BBS4: variants seen among roughly 807,000 people sequenced by gnomAD.
BBS4 encodes BBSome complex member BBS4.
A neutral mutation model predicts 71.4 loss-of-function variants in BBS4; 58 were observed. That is an observed-to-expected ratio of 0.81 (90% CI 0.66 to 1.01). The LOEUF is 1.01. Ranked by LOEUF, BBS4 falls within the 50% of genes least tolerant of loss-of-function variation. The pLI, the probability that BBS4 is intolerant of heterozygous loss-of-function variation, is 0.00. For missense variants in BBS4, 660 were observed against 607.9 expected, an observed-to-expected ratio of 1.09 and a Z score of -0.90; for synonymous variants, 228 against 216.8, an observed-to-expected ratio of 1.05 and a Z score of -0.46.
intron 6 of BBS4, among the ~76,000 whole-genome samples, chr15:72,718,855 T>C (rs1760441967): frequency 6.6e-6 from 1 of 152,118 alleles, no homozygotes. Context: ...CAGAGGATTT[T>C]GGATATGATA....
chr15:72,689,778 CTTTTTATTTA>C (rs1444951341), intron 1 of BBS4, among the ~76,000 whole-genome samples: 2 of 142,112 alleles, frequency 1.4e-5, no homozygotes, highest in African/African-American at 5.5e-5. Flanking sequence ...GCTTATAAAT[CTTTTTATTTA>C]TTTATTTATT....
chr15:72,697,877 T>C, intron 2 of BBS4: 1 of 426,284 alleles, frequency 2.3e-6, no homozygotes, highest in Non-Finnish European at 4.8e-6. Flanking sequence ...ATCAGGACTT[T>C]TTCAAGAACA....
rs1034311817 is a variant in BBS4, at chr15:72,736,624, A to G, written c.1249-138A>G. On this transcript the variant is annotated intron_variant, in intron 14 of 15. Transcript: ENST00000268057. Reference sequence around the variant, plus strand: ...GGCAATCTGTAATCTCTACTGTTTGATAAGTACTTCCTGCCTCAACTGCTA... The same window carrying G: ...GGCAATCTGTAATCTCTACTGTTTGGTAAGTACTTCCTGCCTCAACTGCTA... The G allele has an allele frequency of 1.7e-5, 14 of 801,258 alleles. No individual in the cohort carries two copies. The African/African-American group carries it at 2.0e-4, about 12-fold the overall frequency. 49.6% of individuals were successfully genotyped at this position (801,258 alleles called of 1,614,324 possible). A position where few individuals can be genotyped will look rare whatever the true frequency, so the allele number is the denominator to read the frequency against.
chr15:72,738,039 C>G lies in BBS4; in HGVS notation c.*452C>G, dbSNP rs1368840407. 2 of 453,860 alleles carry G rather than the reference C, an allele frequency of 4.4e-6. No homozygotes were observed. The highest frequency in any genetic ancestry group is 8.8e-6 in the Non-Finnish European group (2 of 226,800). The allele number at this position is 453,860 out of a possible 1,614,324, so 28.1% of individuals were successfully genotyped here. On this transcript the variant is annotated 3_prime_UTR_variant, in exon 16 of 16. Coordinates refer to ENST00000268057, the MANE Select transcript of BBS4 (RefSeq NM_033028.5). ...CTCAGGTTGTGAGGTTTATTAGTCC[C>G]CAAGGCAAACACAAATATTAGATTA...
At chr15:72,686,407 G>C (rs1198253973) in intron 1 of BBS4, 156 bp downstream of exon 1, 1 of 1,535,130 alleles carries the variant, frequency 6.5e-7, no homozygotes, top group Non-Finnish European at 8.7e-7. Context: ...TACTGTCCCG[G>C]GAACTGGTCG....
chr15:72,692,730 G>C lies in BBS4; in HGVS notation c.25-2447G>C, dbSNP rs184324419. Among the ~76,000 whole-genome samples, 30 of 151,900 alleles carry C rather than the reference G, an allele frequency of 2.0e-4. No homozygotes were observed. The East Asian group carries it at 5.6e-3, about 28-fold the overall frequency. On this transcript the variant is annotated intron_variant, in intron 1 of 15. Coordinates refer to ENST00000268057, the MANE Select transcript of BBS4 (RefSeq NM_033028.5). ...CCACCTCAGCCTTCTGAGTAGCTAGGACTAAGGGCACCTGCCACTATGCCT... is the reference window on the plus strand; with the variant it reads ...CCACCTCAGCCTTCTGAGTAGCTAGCACTAAGGGCACCTGCCACTATGCCT...
intron 2 of BBS4, 67 bp from the exon 3 acceptor site, chr15:72,709,633 T>A: frequency 8.8e-7 from 1 of 1,136,422 alleles, no homozygotes; most frequent in South Asian, 1.2e-5. Flanking sequence ...AGTTTAGACA[T>A]GAGGACAGTG....
At chr15:72,730,874 G>T (rs942053063) in intron 10 of BBS4, among the ~76,000 whole-genome samples, 2 of 152,114 alleles carry the variant, frequency 1.3e-5, no homozygotes, top group Non-Finnish European at 2.9e-5. Flanking sequence ...TTCTACGGTA[G>T]AAAGAAATTT....
chr15:72,726,364 G>C (rs1050006005), intron 8 of BBS4, among the ~76,000 whole-genome samples: 1 of 152,026 alleles, frequency 6.6e-6, no homozygotes, highest in Non-Finnish European at 1.5e-5. Flanking sequence ...TGCTTGCCTT[G>C]GTCTCCCATA....
chr15:72,692,955 A>T (rs1014976661), intron 1 of BBS4, among the ~76,000 whole-genome samples: 17 of 151,876 alleles, frequency 1.1e-4, no homozygotes, highest in Non-Finnish European at 1.8e-4. Context: ...TCTTTTTTTT[A>T]AAAAAACTGA....
rs750258633 is a variant in BBS4 at position 72,716,782 on chromosome 15, CT to C, written c.341del (p.Leu114TrpfsTer28). 8 of 1,604,734 alleles carry C rather than the reference CT, an allele frequency of 5.0e-6. No individual in the cohort carries two copies. Among genetic ancestry groups the C allele is most frequent in the Non-Finnish European group, 6.8e-6 (8 of 1,174,174 alleles). Reference sequence around the variant, plus strand: ...TGGAAAATATATCTTTTACAGATTTCTTTTGGGAAAACATAAAGCTGCCATT... The same window carrying C: ...TGGAAAATATATCTTTTACAGATTTCTTTGGGAAAACATAAAGCTGCCATT... ...NLKQVARSLF[L>X]LGKHKAAIEV... On this transcript the variant is annotated frameshift_variant, in exon 6 of 16. Transcript: ENST00000268057. LOFTEE classifies it high-confidence loss of function.
At chr15:72,697,118 A>C (rs1020575301) in intron 2 of BBS4, among the ~76,000 whole-genome samples, 1 of 152,112 alleles carries the variant, frequency 6.6e-6, no homozygotes, top group Non-Finnish European at 1.5e-5. Context: ...TTTTTAGTAC[A>C]GATGGGGTTT....
chr15:72,725,049 T>TAGAG lies in BBS4; in HGVS notation c.587+395_587+396insGAGA, dbSNP rs1450047592. Among the ~76,000 whole-genome samples the TAGAG allele has an allele frequency of 6.9e-5, 7 of 101,544 alleles. No individual in the cohort carries two copies. In the South Asian group the frequency reaches 1.2e-3, roughly 17 times the overall value. 66.6% of individuals were successfully genotyped at this position (101,544 alleles called of 152,430 possible). A position where few individuals can be genotyped will look rare whatever the true frequency, so the allele number is the denominator to read the frequency against. On this transcript the variant is annotated intron_variant, in intron 8 of 15. Transcript: ENST00000268057. ...GAATAAGCATCTGGCTATATATATATATATATATAGAGAGAGAGAGAGAGA... is the reference window on the plus strand; with the variant it reads ...GAATAAGCATCTGGCTATATATATATAGAGATATATATAGAGAGAGAGAGAGAGA...
intron 2 of BBS4, chr15:72,698,043 C>G (rs939779409): frequency 2.2e-6 from 1 of 455,810 alleles, no homozygotes; most frequent in Non-Finnish European, 4.4e-6. Context: ...TTGAGGTGAG[C>G]GAACTGATTT....
At chr15:72,728,894 C>G (rs1287917689) in intron 9 of BBS4, among the ~76,000 whole-genome samples, 1 of 152,120 alleles carries the variant, frequency 6.6e-6, no homozygotes, top group Non-Finnish European at 1.5e-5. Flanking sequence ...GCCTTTATGT[C>G]TATTTCATTT....
intron 8 of BBS4, among the ~76,000 whole-genome samples, chr15:72,726,239 G>A (rs2065699465): frequency 6.6e-6 from 1 of 151,764 alleles, no homozygotes; most frequent in Non-Finnish European, 1.5e-5. Flanking sequence ...AGCCTCCTGA[G>A]TAGCTGGGAC....
chr15:72,715,054 G>C (rs1205352301), intron 4 of BBS4, among the ~76,000 whole-genome samples: 5 of 152,208 alleles, frequency 3.3e-5, no homozygotes, highest in Non-Finnish European at 5.9e-5. Context: ...CCTGGGAGTA[G>C]AGAGAGAAGT....
intron 2 of BBS4, among the ~76,000 whole-genome samples, chr15:72,707,523 C>G (rs111729851): frequency 6.6e-6 from 1 of 152,054 alleles, no homozygotes; most frequent in Admixed American, 6.5e-5. Context: ...TATTAAAATT[C>G]ACAAAAAATA....
intron 6 of BBS4, chr15:72,717,267 C>T (rs2065483598): frequency 6.2e-6 from 1 of 161,806 alleles, no homozygotes; most frequent in Non-Finnish European, 1.3e-5. Context: ...TTGAGTAGTT[C>T]TTTATTTTTC....
Sources: gnomAD v4.1 joint callset for allele counts (sites outside exome capture counted in the v4.1 genomes callset) on GRCh38, gnomAD v4.1.1 for gene constraint, MANE v1.5 for transcripts, NCBI Gene and HGNC (gene_info 2026-07-23, HGNC 2026-07-21) for gene names.